Variants in MTHFD1 observed in about 807,000 individuals in gnomAD.
MTHFD1 encodes the protein methylenetetrahydrofolate dehydrogenase, cyclohydrolase and formyltetrahydrofolate synthetase 1, also known as C-1-tetrahydrofolate synthase, cytoplasmic.
Under a neutral mutation model 110.3 loss-of-function variants are expected in MTHFD1, and 44 were observed. That is an observed-to-expected ratio of 0.40 (90% CI 0.31 to 0.51). MTHFD1 has a LOEUF of 0.51. Ranked by LOEUF, MTHFD1 falls within the 20% of genes least tolerant of loss-of-function variation. The pLI, the probability that MTHFD1 is intolerant of heterozygous loss-of-function variation, is 0.60. For synonymous variants in MTHFD1, 402 were observed against 428.8 expected, an observed-to-expected ratio of 0.94 and a Z score of 0.77; for missense variants, 909 against 1,173.1, an observed-to-expected ratio of 0.77 and a Z score of 3.29.
chr14:64,421,775 C>T (rs1397485878), intron 8 of MTHFD1, among the ~76,000 whole-genome samples: 3 of 152,126 alleles, frequency 2.0e-5, no homozygotes, highest in Non-Finnish European at 4.4e-5. Flanking sequence ...AGGCGCCCGC[C>T]ACCACGCCCG....
chr14:64,430,332 C>CT lies in MTHFD1; in HGVS notation c.1311+103dup, dbSNP rs1337179618. 3 of 1,139,652 alleles carry CT rather than the reference C, an allele frequency of 2.6e-6. No individual in the cohort carries two copies. In the African/African-American group the frequency reaches 4.6e-5, roughly 17 times the overall value. 70.6% of individuals were successfully genotyped at this position (1,139,652 alleles called of 1,614,324 possible). A position where few individuals can be genotyped will look rare whatever the true frequency, so the allele number is the denominator to read the frequency against. On this transcript the variant is annotated intron_variant, in intron 13 of 27. Coordinates refer to ENST00000652337, the MANE Select transcript of MTHFD1 (RefSeq NM_005956.4). The stretch of plus-strand genomic sequence containing the variant: ...TTTTTCCCCATGACGGAGTCTTGCT[C>CT]TGTTGCCCAGAGCTGGAGTGCAATG...
At chr14:64,430,462 C>G (rs2078149457) in intron 13 of MTHFD1, among the ~76,000 whole-genome samples, 1 of 152,172 alleles carries the variant, frequency 6.6e-6, no homozygotes, top group African/African-American at 2.4e-5. Context: ...CCACGCTCAG[C>G]TAATTTTGTA....
At chr14:64,434,821 GTT>G (rs34280342) in intron 15 of MTHFD1, among the ~76,000 whole-genome samples, 15 of 128,898 alleles carry the variant, frequency 1.2e-4, no homozygotes, top group Admixed American at 2.4e-4. Flanking sequence ...GATGAATTCT[GTT>G]TTTTTTTTTT....
At chr14:64,402,698 A>G (rs776379581) in intron 2 of MTHFD1, among the ~76,000 whole-genome samples, 1 of 152,122 alleles carries the variant, frequency 6.6e-6, no homozygotes, top group Non-Finnish European at 1.5e-5. Flanking sequence ...TGTGGTCCCA[A>G]CTACATGAGA....
intron 2 of MTHFD1, among the ~76,000 whole-genome samples, chr14:64,403,400 G>A (rs1433075902): frequency 6.6e-6 from 1 of 151,968 alleles, no homozygotes; most frequent in Non-Finnish European, 1.5e-5. Context: ...TCAGCCTCTG[G>A]AGTAGCTGGG....
chr14:64,423,968 C>T (rs979114766), intron 8 of MTHFD1, among the ~76,000 whole-genome samples: 12 of 152,234 alleles, frequency 7.9e-5, no homozygotes, highest in African/African-American at 2.9e-4. Flanking sequence ...ATCTGGTGAT[C>T]CGCCCGCCTC....
At chr14:64,396,394 T>G (rs2077849098) in intron 1 of MTHFD1, among the ~76,000 whole-genome samples, 2 of 147,846 alleles carry the variant, frequency 1.4e-5, no homozygotes, top group Admixed American at 1.3e-4. Flanking sequence ...TGAAGGTTTT[T>G]TTTTTTTTTT....
chr14:64,417,791 A>T lies in MTHFD1; in HGVS notation c.479-97A>T, dbSNP rs909851040. On this transcript the variant is annotated intron_variant, in intron 6 of 27. Coordinates refer to ENST00000652337, the MANE Select transcript of MTHFD1 (RefSeq NM_005956.4). This position sits in a 1 kb window ranked among gnomAD's most constrained non-coding sequence, Gnocchi z 4.4. ...GGAAGGTTTCTGTTTGATGTTAAGA[A>T]CCTGTTTTTGTGCACTTATTCTAAT... 3 of 1,472,800 alleles carry T rather than the reference A, an allele frequency of 2.0e-6. No homozygotes were observed. Among genetic ancestry groups the T allele is most frequent in the Non-Finnish European group, 2.8e-6 (3 of 1,057,476 alleles). 91.2% of individuals were successfully genotyped at this position (1,472,800 alleles called of 1,614,324 possible).
Position 64,419,871 on chromosome 14 carries a change from G to T in MTHFD1, c.673G>T (p.Glu225Ter), listed in dbSNP as rs760889414. Residue 225 changes from glutamate to a stop codon, truncating the protein, a stop_gained, in exon 8 of 28, where the codon GAG becomes TAG. Coordinates refer to ENST00000652337, the MANE Select transcript of MTHFD1 (RefSeq NM_005956.4). LOFTEE classifies it high-confidence loss of function. ...ATGQPEMVKG[E>*]WIKPGAIVID... The stretch of plus-strand genomic sequence containing the variant: ...TGGTCAGCCTGAAATGGTTAAAGGG[G>T]AGTGGATCAAACCTGGGGCAATAGT... The T allele has an allele frequency of 7.4e-6, 12 of 1,614,176 alleles. No homozygotes were observed. Among genetic ancestry groups the T allele is most frequent in the Non-Finnish European group, 7.6e-6 (9 of 1,180,018 alleles).
intron 9 of MTHFD1, among the ~76,000 whole-genome samples, chr14:64,425,418 T>TC: frequency 6.6e-6 from 1 of 151,958 alleles, no homozygotes; most frequent in African/African-American, 2.4e-5. Flanking sequence ...TCCACGTTGG[T>TC]TAGGCTGGTC....
intron 15 of MTHFD1, among the ~76,000 whole-genome samples, chr14:64,435,302 C>T (rs2078197182): frequency 6.6e-6 from 1 of 152,108 alleles, no homozygotes; most frequent in South Asian, 2.1e-4. Flanking sequence ...CCTTCCCTCA[C>T]TAGGCATATT....
At chr14:64,438,163 T>C (rs2078221206) in intron 16 of MTHFD1, among the ~76,000 whole-genome samples, 1 of 152,208 alleles carries the variant, frequency 6.6e-6, no homozygotes, top group South Asian at 2.1e-4. Context: ...CGTGAGCCAC[T>C]GTGCCCGGCC....
At position 64,388,382 on chromosome 14, in the gene MTHFD1, C is replaced by A. The variant is rs974089335; in HGVS notation, c.-46C>A. 1 of 1,614,204 alleles carries A rather than the reference C, an allele frequency of 6.2e-7. No homozygotes were observed. The highest frequency in any genetic ancestry group is 8.5e-7 in the Non-Finnish European group (1 of 1,180,040). Reference sequence around the variant, plus strand: ...TGCTTGGCTGCGGAGGGAGTGGAACCTCGATATTGGTGGTGTCCATCGTGG... The same window carrying A: ...TGCTTGGCTGCGGAGGGAGTGGAACATCGATATTGGTGGTGTCCATCGTGG... On this transcript the variant is annotated 5_prime_UTR_variant, in exon 1 of 28. Coordinates refer to ENST00000652337, the MANE Select transcript of MTHFD1 (RefSeq NM_005956.4).
At chr14:64,424,577 T>G (rs1403996002) in intron 8 of MTHFD1, among the ~76,000 whole-genome samples, 25 of 152,212 alleles carry the variant, frequency 1.6e-4, no homozygotes, top group Admixed American at 1.6e-3. Context: ...ACAAAAGGAT[T>G]CTCCAGGTTC....
At chr14:64,427,619 C>A in intron 12 of MTHFD1, 146 bp downstream of exon 12, 1 of 862,140 alleles carries the variant, frequency 1.2e-6, no homozygotes. Context: ...TGTAGTCATG[C>A]TTTTGATGAA....
chr14:64,390,002 T>C (rs2077792162), intron 1 of MTHFD1, among the ~76,000 whole-genome samples: 2 of 152,336 alleles, frequency 1.3e-5, no homozygotes, highest in Admixed American at 1.3e-4. Context: ...GGAGAGCAAA[T>C]TAAATATGTT....
Position 64,400,773 on chromosome 14 carries a change from A to T in MTHFD1, c.42-20A>T. On this transcript the variant is annotated intron_variant, in intron 1 of 27. Transcript: ENST00000652337. ...GCTTGAAACATTCAGTGTTAACCCC[A>T]CCCTTTCCTTTTTCTCTAGGCAAAT... The T allele has an allele frequency of 6.5e-7, 1 of 1,542,168 alleles. No individual in the cohort carries two copies. Among genetic ancestry groups the T allele is most frequent in the Non-Finnish European group, 9.0e-7 (1 of 1,115,056 alleles).
intron 1 of MTHFD1, 150 bp downstream of exon 1, chr14:64,388,618 A>G: frequency 1.3e-6 from 1 of 763,036 alleles, no homozygotes; most frequent in South Asian, 1.5e-5. Context: ...AAAGAAAGAG[A>G]ACCCGGGCAC....
At chr14:64,393,413 GA>G (rs528700089) in intron 1 of MTHFD1, among the ~76,000 whole-genome samples, 216 of 140,172 alleles carry the variant, frequency 1.5e-3, no homozygotes, top group Middle Eastern at 3.8e-3. Flanking sequence ...ATCTCAGAAA[GA>G]AAAAAAAAAA....
Sources: allele counts gnomAD v4.1 joint callset (sites outside exome capture counted in the v4.1 genomes callset), GRCh38; gene constraint gnomAD v4.1.1; non-coding constraint Gnocchi (gnomAD v3.1); transcripts MANE v1.5; gene names NCBI Gene and HGNC (gene_info 2026-07-23, HGNC 2026-07-21).